The following GHR variants were observed in gnomAD, a reference collection of about 807,000 sequenced individuals.
GHR encodes growth hormone receptor.
A neutral mutation model predicts 67.1 loss-of-function variants in GHR; 35 were observed. The observed-to-expected ratio is 0.52, with a 90% CI of 0.40 to 0.69. GHR has a LOEUF of 0.69. GHR is among the 30% of genes least tolerant of loss of function. The pLI, the probability that GHR is intolerant of heterozygous loss-of-function variation, is 0.00. For missense variants in GHR, 792 were observed against 764.6 expected (o/e 1.04, Z -0.42); for synonymous variants, 272 against 269.1 (o/e 1.01, Z -0.10).
At chr5:42,661,224 C>G (rs554504216) in intron 3 of GHR, among the ~76,000 whole-genome samples, 2 of 152,264 alleles carry the variant, frequency 1.3e-5, no homozygotes, top group South Asian at 4.1e-4. Context: ...GCAAGGCAGG[C>G]CAACATTCAG....
intron 3 of GHR, among the ~76,000 whole-genome samples, chr5:42,644,596 T>C (rs1754636891): frequency 6.6e-6 from 1 of 152,102 alleles, no homozygotes; most frequent in African/African-American, 2.4e-5. Context: ...AACTAAGTAT[T>C]CTACGATATT....
At chr5:42,508,630 G>C (rs910725224) in intron 1 of GHR, among the ~76,000 whole-genome samples, 1 of 152,228 alleles carries the variant, frequency 6.6e-6, no homozygotes, top group Admixed American at 6.5e-5. Context: ...CTGGAGTGCA[G>C]TGGCACGATC....
chr5:42,705,443 G>A (rs577824519), intron 6 of GHR, among the ~76,000 whole-genome samples: 7 of 151,926 alleles, frequency 4.6e-5, no homozygotes, highest in South Asian at 4.1e-4. Flanking sequence ...ACATGTGCAC[G>A]TTTGTTATAT....
At chr5:42,670,521 G>A (rs913033737) in intron 3 of GHR, among the ~76,000 whole-genome samples, 6 of 152,016 alleles carry the variant, frequency 3.9e-5, no homozygotes, top group African/African-American at 1.4e-4. Context: ...TAGACAAATG[G>A]CATTGCATCA....
At chr5:42,568,656 C>A (rs1017209482) in intron 2 of GHR, among the ~76,000 whole-genome samples, 15 of 152,202 alleles carry the variant, frequency 9.9e-5, no homozygotes, top group Non-Finnish European at 2.2e-4. Flanking sequence ...ACCTCAGTAA[C>A]CTAAGGTGGA....
At chr5:42,429,359 G>A (rs142234087) in intron 1 of GHR, among the ~76,000 whole-genome samples, 8 of 152,266 alleles carry the variant, frequency 5.3e-5, no homozygotes, top group African/African-American at 1.7e-4. Context: ...TGGGGATTAT[G>A]GTAGCTACAA....
At chr5:42,548,521 G>T in intron 1 of GHR, 1 of 980,040 alleles carries the variant, frequency 1.0e-6, no homozygotes, top group Non-Finnish European at 1.2e-6. Flanking sequence ...AATATCTGCC[G>T]GACTATTGGT....
At chr5:42,510,255 C>T (rs963029669) in intron 1 of GHR, among the ~76,000 whole-genome samples, 2 of 152,356 alleles carry the variant, frequency 1.3e-5, no homozygotes, top group Non-Finnish European at 1.5e-5. Flanking sequence ...TCCTCATTCA[C>T]TTGGATTATT....
chr5:42,430,886 C>T (rs911372307), intron 1 of GHR, among the ~76,000 whole-genome samples: 4 of 152,038 alleles, frequency 2.6e-5, no homozygotes, highest in East Asian at 1.9e-4. Context: ...CTATAAGAAA[C>T]GTCTAAGTTA....
intron 3 of GHR, among the ~76,000 whole-genome samples, chr5:42,653,703 T>C (rs1039174291): frequency 6.6e-6 from 1 of 152,170 alleles, no homozygotes; most frequent in Non-Finnish European, 1.5e-5. Context: ...TTGAGAGATA[T>C]TGCTTCTTGA....
chr5:42,557,024 G>T (rs1174875327), intron 1 of GHR, among the ~76,000 whole-genome samples: 1 of 152,144 alleles, frequency 6.6e-6, no homozygotes, highest in Non-Finnish European at 1.5e-5. Context: ...TGGGATTTCT[G>T]TATCTAATTT....
chr5:42,455,177 G>A (rs2112018829), intron 1 of GHR, among the ~76,000 whole-genome samples: 1 of 152,314 alleles, frequency 6.6e-6, no homozygotes, highest in East Asian at 1.9e-4. Flanking sequence ...TCCCCAGTGA[G>A]GATATGTGTT....
At chr5:42,455,728 T>C (rs988625047) in intron 1 of GHR, among the ~76,000 whole-genome samples, 1 of 152,186 alleles carries the variant, frequency 6.6e-6, no homozygotes, top group Non-Finnish European at 1.5e-5. Flanking sequence ...AATAAAGGAC[T>C]CCAGCATAAA....
At chr5:42,625,899 A>G (rs190675824) in intron 2 of GHR, among the ~76,000 whole-genome samples, 9 of 152,198 alleles carry the variant, frequency 5.9e-5, no homozygotes, top group Admixed American at 5.9e-4. Context: ...GGCAATTTCA[A>G]GGCATGGCAA....
At chr5:42,432,421 C>A (rs1026352173) in intron 1 of GHR, among the ~76,000 whole-genome samples, 5 of 152,114 alleles carry the variant, frequency 3.3e-5, no homozygotes, top group African/African-American at 1.2e-4. Flanking sequence ...GGTGAGAAAC[C>A]TCAGTCAGAC....
At chr5:42,580,493 A>G (rs1268947850) in intron 2 of GHR, among the ~76,000 whole-genome samples, 1 of 152,198 alleles carries the variant, frequency 6.6e-6, no homozygotes, top group Non-Finnish European at 1.5e-5. Flanking sequence ...GTTGATCTTT[A>G]ATATTTTATA....
intron 3 of GHR, among the ~76,000 whole-genome samples, chr5:42,662,021 A>T (rs1157606489): frequency 6.6e-6 from 1 of 152,200 alleles, no homozygotes. Context: ...CCATTACATA[A>T]TGGTAAAGGG....
chr5:42,694,876 AT>A, intron 4 of GHR, 40 bp from the exon 5 acceptor site: 1 of 1,472,626 alleles, frequency 6.8e-7, no homozygotes, highest in Non-Finnish European at 9.5e-7. Context: ...CTACAACATG[AT>A]TTTTGGAACA....
At chr5:42,439,655 A>G (rs1743483131) in intron 1 of GHR, among the ~76,000 whole-genome samples, 1 of 152,222 alleles carries the variant, frequency 6.6e-6, no homozygotes, top group Non-Finnish European at 1.5e-5. Flanking sequence ...ATGTCTAGGT[A>G]CTGAATTTGG....
Sources: gnomAD v4.1 joint callset for allele counts (sites outside exome capture counted in the v4.1 genomes callset) on GRCh38, gnomAD v4.1.1 for gene constraint, MANE v1.5 for transcripts, NCBI Gene and HGNC (gene_info 2026-07-23, HGNC 2026-07-21) for gene names.